TRPC4: variants seen among roughly 807,000 people sequenced by gnomAD.
The protein encoded by TRPC4 is short transient receptor potential channel 4.
Under a neutral mutation model 99.4 loss-of-function variants are expected in TRPC4, and 49 were observed. The observed-to-expected ratio is 0.49, with a 90% confidence interval of 0.39 to 0.63. TRPC4 has a LOEUF of 0.63. Ranked by LOEUF, TRPC4 falls within the 20% of genes least tolerant of loss-of-function variation. The pLI is 0.00. For missense variants in TRPC4, 898 were observed against 1,152.9 expected, an observed-to-expected ratio of 0.78 and a Z score of 3.20; for synonymous variants, 454 against 425.9, an observed-to-expected ratio of 1.07 and a Z score of -0.81.
intron 1 of TRPC4, among the ~76,000 whole-genome samples, chr13:37,797,478 C>T (rs1358703276): frequency 6.6e-6 from 1 of 152,070 alleles, no homozygotes; most frequent in Non-Finnish European, 1.5e-5. Context: ...CTCTGAATAG[C>T]AATTCAGACT....
chr13:37,783,423 C>T lies in TRPC4; in HGVS notation c.-27-63G>A, dbSNP rs555113562. 4 of 1,283,060 alleles carry T rather than the reference C, an allele frequency of 3.1e-6. No homozygotes were observed. In the East Asian group the frequency reaches 9.5e-5, roughly 31 times the overall value. The allele number at this position is 1,283,060 out of a possible 1,614,324, so 79.5% of individuals were successfully genotyped here. A position where few individuals can be genotyped will look rare whatever the true frequency, so the allele number is the denominator to read the frequency against. On this transcript the variant is annotated intron_variant, in intron 1 of 10. Transcript: ENST00000379705. ...ATATGCTTTTAAAATTGTTAAGCAT[C>T]ATACTTCTCCAACTCACAGTGATAT...
intron 3 of TRPC4, among the ~76,000 whole-genome samples, chr13:37,744,846 C>T (rs767237296): frequency 2.0e-5 from 3 of 152,094 alleles, no homozygotes; most frequent in Non-Finnish European, 2.9e-5. Context: ...TTTGAGAACT[C>T]ACTCAAACAC....
intron 1 of TRPC4, among the ~76,000 whole-genome samples, chr13:37,788,693 TTATC>T (rs1246573274): frequency 5.3e-5 from 8 of 152,024 alleles, no homozygotes; most frequent in Non-Finnish European, 1.0e-4. Flanking sequence ...GCTCTTTCCT[TTATC>T]TATCACTCTC....
chr13:37,656,306 T>C (rs569314909), intron 6 of TRPC4, among the ~76,000 whole-genome samples: 1 of 152,266 alleles, frequency 6.6e-6, no homozygotes, highest in African/African-American at 2.4e-5. Context: ...TATATTTAAA[T>C]TACAAAAATA....
intron 2 of TRPC4, among the ~76,000 whole-genome samples, chr13:37,767,974 A>T (rs961958526): frequency 6.6e-6 from 1 of 151,498 alleles, no homozygotes; most frequent in African/African-American, 2.4e-5. Flanking sequence ...CAATGGACTG[A>T]AAAATAGTTT....
At chr13:37,865,359 G>T (rs910998029) in intron 1 of TRPC4, among the ~76,000 whole-genome samples, 1 of 151,550 alleles carries the variant, frequency 6.6e-6, no homozygotes. Context: ...TGGTCAAAAG[G>T]TTAGCATGAT....
At chr13:37,833,546 C>CA (rs1408423184) in intron 1 of TRPC4, among the ~76,000 whole-genome samples, 1 of 152,224 alleles carries the variant, frequency 6.6e-6, no homozygotes, top group Admixed American at 6.5e-5. Flanking sequence ...GTCAAAGAGA[C>CA]AGACTGTGCT....
At chr13:37,644,718 A>C (rs961531274) in intron 8 of TRPC4, among the ~76,000 whole-genome samples, 1 of 151,742 alleles carries the variant, frequency 6.6e-6, no homozygotes, top group African/African-American at 2.4e-5. Context: ...AAAATACACA[A>C]AAAAATTTGC....
chr13:37,779,648 G>T (rs983422852), intron 2 of TRPC4, among the ~76,000 whole-genome samples: 1 of 151,956 alleles, frequency 6.6e-6, no homozygotes. Context: ...GGAAGATAAG[G>T]TGATTTTATT....
intron 1 of TRPC4, among the ~76,000 whole-genome samples, chr13:37,790,795 T>G (rs1566173783): frequency 6.6e-6 from 1 of 152,128 alleles, no homozygotes; most frequent in Non-Finnish European, 1.5e-5. Context: ...GTGACACTCT[T>G]CTTTACCGTT....
intron 1 of TRPC4, among the ~76,000 whole-genome samples, chr13:37,807,413 G>A (rs1284392804): frequency 2.0e-5 from 3 of 151,960 alleles, no homozygotes; most frequent in Non-Finnish European, 1.5e-5. Context: ...TGTCAGCAAA[G>A]TAATAATAAT....
intron 1 of TRPC4, among the ~76,000 whole-genome samples, chr13:37,828,245 C>T (rs998814834): frequency 5.3e-5 from 8 of 152,216 alleles, no homozygotes; most frequent in African/African-American, 9.6e-5. Flanking sequence ...GCGTTGCTCA[C>T]GCTGGGAGCT....
intron 4 of TRPC4, among the ~76,000 whole-genome samples, chr13:37,684,170 A>C (rs1450027038): frequency 6.6e-6 from 1 of 152,212 alleles, no homozygotes; most frequent in Non-Finnish European, 1.5e-5. Context: ...TGAATTTGTC[A>C]TAAGAATCTA....
At chr13:37,824,393 G>C (rs1363702476) in intron 1 of TRPC4, among the ~76,000 whole-genome samples, 2 of 151,070 alleles carry the variant, frequency 1.3e-5, no homozygotes, top group Non-Finnish European at 2.9e-5. Context: ...CATTCAGTAT[G>C]ATATTGGCTG....
chr13:37,812,930 G>A (rs1957744405), intron 1 of TRPC4, among the ~76,000 whole-genome samples: 1 of 151,464 alleles, frequency 6.6e-6, no homozygotes, highest in Non-Finnish European at 1.5e-5. Flanking sequence ...ACAAAGATAA[G>A]CAACGACAAC....
Position 37,651,195 on chromosome 13 carries a change from A to C in TRPC4, c.2079+70T>G, listed in dbSNP as rs181010945. The C allele has an allele frequency of 8.9e-6, 14 of 1,564,720 alleles. No homozygotes were observed. In the East Asian group the frequency reaches 2.3e-4, roughly 26 times the overall value. ...AAAGGCTAAAGACCTGAACATGTAC[A>C]ATAAAGAATACAAATATATTCAAAT... On this transcript the variant is annotated intron_variant, in intron 8 of 10. Coordinates refer to ENST00000379705, the MANE Select transcript of TRPC4 (RefSeq NM_016179.4).
chr13:37,658,651 C>T (rs958589256), intron 6 of TRPC4, among the ~76,000 whole-genome samples: 2 of 152,190 alleles, frequency 1.3e-5, no homozygotes, highest in Non-Finnish European at 2.9e-5. Flanking sequence ...GTCACAAAGC[C>T]TGTGCCCCTC....
chr13:37,783,149 T>C lies in TRPC4; in HGVS notation c.185A>G (p.Asn62Ser), dbSNP rs1956885175. 1 of 1,613,434 alleles carries C rather than the reference T, an allele frequency of 6.2e-7. No individual in the cohort carries two copies. The highest frequency in any genetic ancestry group is 1.1e-5 in the South Asian group (1 of 91,070). The change falls in exon 2 of 11, where the codon AAT (asparagine) becomes AGT (serine). Residue 62 changes from asparagine to serine, a missense_variant. Physicochemically the swap from Asn to Ser is conservative, Grantham distance 46. This residue lies in a region of TRPC4 where 278 missense variants were observed against 346.6 expected (regional missense o/e 0.80). Transcript: ENST00000379705. ...TCCGAGAGGATCAATGCAATTAATA[T>C]TGATTTTAAAATAAATTTCAGCTTC... Reference protein sequence around the residue: ...LEEAEIYFKININCIDPLGRT... With the variant: ...LEEAEIYFKISINCIDPLGRT...
Position 37,797,599 on chromosome 13 carries a change from A to T in TRPC4, c.-27-14239T>A, listed in dbSNP as rs1008123532. Among the ~76,000 whole-genome samples the T allele has an allele frequency of 1.5e-4, 23 of 152,154 alleles. 1 individual carries two copies. Among genetic ancestry groups the T allele is most frequent in the African/African-American group, 5.5e-4 (23 of 41,456 alleles). On this transcript the variant is annotated intron_variant, in intron 1 of 10. Transcript: ENST00000379705. Reference sequence around the variant, plus strand: ...TTTTAATTTTTTCCTCAGTCTTCTCATGTCCTTTGAATTTACCAGTCAAGT... The same window carrying T: ...TTTTAATTTTTTCCTCAGTCTTCTCTTGTCCTTTGAATTTACCAGTCAAGT...
Sources: allele counts gnomAD v4.1 joint callset (sites outside exome capture counted in the v4.1 genomes callset), GRCh38; gene constraint gnomAD v4.1.1; regional missense constraint gnomAD v4.1.1; transcripts MANE v1.5; gene names NCBI Gene and HGNC (gene_info 2026-07-23, HGNC 2026-07-21).